The following GPAA1 variants were observed in gnomAD, a reference collection of about 807,000 sequenced individuals.
GPAA1 encodes glycosylphosphatidylinositol anchor attachment 1.
Under a neutral mutation model 64.0 loss-of-function variants are expected in GPAA1, and 54 were observed. That is an observed-to-expected ratio of 0.84 (90% CI 0.68 to 1.06). GPAA1 has a LOEUF of 1.06. Among genes scored for constraint, GPAA1 ranks in the 50% least tolerant of loss-of-function variants. The pLI is 0.00. For missense variants in GPAA1, 780 were observed against 822.3 expected (o/e 0.95, Z 0.63); for synonymous variants, 393 against 377.3 (o/e 1.04, Z -0.48).
At position 144,083,371 on chromosome 8, in the gene GPAA1, C is replaced by T. The variant is rs781969378; in HGVS notation, c.255-18C>T. The T allele has an allele frequency of 1.9e-6, 3 of 1,611,958 alleles. No homozygotes were observed. Among genetic ancestry groups the T allele is most frequent in the Admixed American group, 3.3e-5 (2 of 60,026 alleles). ...AAGGCCGGGGAGCTCTGCTCAGAGG[C>T]TCCCTTCGTGTCTGCAGGGCTCTGC... On this transcript the variant is annotated intron_variant, in intron 2 of 11. Coordinates refer to ENST00000355091, the MANE Select transcript of GPAA1 (RefSeq NM_003801.4).
In GPAA1 at chr8:144,084,803, C is replaced by T. The variant is rs782117002; in HGVS notation, c.1092C>T (p.Gly364=). 2.0e-5 allele frequency: 32 copies of T among 1,613,640 alleles called. No individual in the cohort carries two copies. Among genetic ancestry groups the T allele is most frequent in the Non-Finnish European group, 2.7e-5 (32 of 1,179,970 alleles). Residue 364 remains glycine, a synonymous_variant, in exon 8 of 12, where the codon GGC becomes GGT. Coordinates refer to ENST00000355091, the MANE Select transcript of GPAA1 (RefSeq NM_003801.4). The stretch of plus-strand genomic sequence containing the variant: ...CCTTCTTCCTCTACTTGCTCCCCGG[C>T]CTCTCCCGCTTCGTCTCCATCGGCC... The part of the protein sequence containing the change: ...HQSFFLYLLP[G]LSRFVSIGLY...
Position 144,083,708 on chromosome 8 carries a change from A to G in GPAA1, c.367-6A>G. On this transcript the variant is annotated splice_region_variant and splice_polypyrimidine_tract_variant and intron_variant, in intron 3 of 11. Coordinates refer to ENST00000355091, the MANE Select transcript of GPAA1 (RefSeq NM_003801.4). ...CTGAGGCTCCCCCCACCGATGCTGC[A>G]TACAGATGGTGTCGGGCACCAACGT... 6.2e-7 allele frequency: 1 copy of G among 1,601,018 alleles called. No homozygotes were observed. The highest frequency in any genetic ancestry group is 1.3e-5 in the African/African-American group (1 of 75,034).
Position 144,083,925 on chromosome 8 carries a change from C to A in GPAA1, c.515-14C>A. On this transcript the variant is annotated splice_polypyrimidine_tract_variant and intron_variant, in intron 4 of 11. Transcript: ENST00000355091. The stretch of plus-strand genomic sequence containing the variant: ...AGTGCCCCAGACCCTGCTGATCCTG[C>A]TTCTGGCCTCCAGGGCAGATTTATT... 6.2e-7 allele frequency: 1 copy of A among 1,613,490 alleles called. No homozygotes were observed. The highest frequency in any genetic ancestry group is 8.5e-7 in the Non-Finnish European group (1 of 1,179,480).
Position 144,084,797 on chromosome 8 carries a change from C to T in GPAA1, c.1086C>T (p.Leu362=). ...ACCAGTCCTTCTTCCTCTACTTGCT[C>T]CCCGGCCTCTCCCGCTTCGTCTCCA... ...RLHQSFFLYL[L]PGLSRFVSIG... is the part of the protein sequence containing the mutation. The change falls in exon 8 of 12, where the codon CTC becomes CTT. Residue 362 remains leucine, a synonymous_variant. Transcript: ENST00000355091. The T allele has an allele frequency of 1.9e-6, 3 of 1,613,734 alleles. No homozygotes were observed. The highest frequency in any genetic ancestry group is 2.5e-6 in the Non-Finnish European group (3 of 1,179,962).
At position 144,085,710 on chromosome 8, in the gene GPAA1, C is replaced by T. The variant is rs1414867713; in HGVS notation, c.1589C>T (p.Pro530Leu). The T allele has an allele frequency of 1.2e-6, 2 of 1,613,264 alleles. No individual in the cohort carries two copies. The highest frequency in any genetic ancestry group is 1.7e-6 in the Non-Finnish European group (2 of 1,179,998). ...TTCCTGCTGGCCACCACCATGGTGC[C>T]CACTGCTGCGCTTGCCAAGCCTCAT... ...LGFLLATTMV[P>L]TAALAKPHGP... Residue 530 changes from proline (P) to leucine (L), a missense_variant, in exon 11 of 12, where the codon CCC (proline) becomes CTC (leucine). Physicochemically the swap from Pro to Leu is moderately conservative, Grantham distance 98 (BLOSUM62 -3). Coordinates refer to ENST00000355091, the MANE Select transcript of GPAA1 (RefSeq NM_003801.4).
rs1554763901 is a variant in GPAA1, at chr8:144,083,803, T to A, written c.456T>A (p.Ser152=). 4 of 1,609,764 alleles carry A rather than the reference T, an allele frequency of 2.5e-6. No homozygotes were observed. The East Asian group carries it at 8.9e-5, about 36-fold the overall frequency. Residue 152 remains serine (S), a synonymous_variant, in exon 4 of 12, where the codon TCT becomes TCA. Transcript: ENST00000355091. The stretch of plus-strand genomic sequence containing the variant: ...TTGTGCTCACCGTGCCCTGTGGCTC[T>A]GACTCTACCAACAGCCAGGCTGTGG... ...ESLVLTVPCG[S]DSTNSQAVGL...
In GPAA1 at chr8:144,082,812, CAG is replaced by C; in HGVS notation, c.74+9_74+10del. On this transcript the variant is annotated intron_variant, in intron 1 of 11. Coordinates refer to ENST00000355091, the MANE Select transcript of GPAA1 (RefSeq NM_003801.4). ...CCTCAACGCGCCGTTGTGGTGAGGACAGGGCCCGGGGAGGCGGGGACCCGAGG... is the reference window on the plus strand; with the variant it reads ...CCTCAACGCGCCGTTGTGGTGAGGACGGCCCGGGGAGGCGGGGACCCGAGG... The C allele has an allele frequency of 7.0e-7, 1 of 1,435,956 alleles. No homozygotes were observed. Among genetic ancestry groups the C allele is most frequent in the East Asian group, 3.0e-5 (1 of 33,340 alleles). The allele number at this position is 1,435,956 out of a possible 1,614,324, so 89.0% of individuals were successfully genotyped here. A position where few individuals can be genotyped will look rare whatever the true frequency, so the allele number is the denominator to read the frequency against.
Position 144,085,429 on chromosome 8 carries a change from ACTGCTGGCGATT to A in GPAA1, c.1402_1413del (p.Leu468_Ile471del), listed in dbSNP as rs782625133. On this transcript the variant is annotated inframe_deletion, in exon 10 of 12. Transcript: ENST00000355091. ...CAGAGGCTGAGGCTGTGGTGCTGAC[ACTGCTGGCGATT>A]TATGCAGCTGGCCTGGCCCTGCCCC... 3 of 1,604,488 alleles carry A rather than the reference ACTGCTGGCGATT, an allele frequency of 1.9e-6. No homozygotes were observed. The highest frequency in any genetic ancestry group is 2.5e-6 in the Non-Finnish European group (3 of 1,179,916).
Position 144,084,038 on chromosome 8 carries a change from C to G in GPAA1, c.614C>G (p.Thr205Ser). ...WLEAYHDVNVTGMQSSPLQGR... is the reference protein window; with the variant it reads ...WLEAYHDVNVSGMQSSPLQGR... ...GAAGCCTACCACGATGTCAATGTCACTGGTAGGTTCTCTTGTCCTGCCTGC... is the reference window on the plus strand; with the variant it reads ...GAAGCCTACCACGATGTCAATGTCAGTGGTAGGTTCTCTTGTCCTGCCTGC... Residue 205 changes from threonine to serine, a missense_variant and splice_region_variant, in exon 5 of 12, where the codon ACT becomes AGT. By Grantham distance (58) the Thr-to-Ser change is moderately conservative. Coordinates refer to ENST00000355091, the MANE Select transcript of GPAA1 (RefSeq NM_003801.4). The G allele has an allele frequency of 1.2e-6, 2 of 1,611,800 alleles. No individual in the cohort carries two copies. The highest frequency in any genetic ancestry group is 1.7e-6 in the Non-Finnish European group (2 of 1,177,912).
rs1293059969 is a variant in GPAA1 at position 144,083,482 on chromosome 8, T to A, written c.348T>A (p.Asp116Glu). The A allele has an allele frequency of 1.9e-6, 3 of 1,612,552 alleles. No homozygotes were observed. Among genetic ancestry groups the A allele is most frequent in the Non-Finnish European group, 1.7e-6 (2 of 1,178,874 alleles). ...QSFSRKLPFPDETHERYMVSG... is the reference protein window; with the variant it reads ...QSFSRKLPFPEETHERYMVSG... ...TCTCCCGGAAACTGCCCTTCCCAGA[T>A]GAGACCCACGAGCGCTATGTACTGG... is the stretch of plus-strand genomic sequence containing the variant. The change falls in exon 3 of 12, where the codon GAT becomes GAA. Residue 116 changes from aspartate to glutamate, a missense_variant. Coordinates refer to ENST00000355091, the MANE Select transcript of GPAA1 (RefSeq NM_003801.4).
Position 144,084,625 on chromosome 8 carries a change from TC to T in GPAA1, c.1010+22del, listed in dbSNP as rs782735321. ...CAGTGGGCAAGTAAGTAGTCTCTGG[TC>T]CCCCCTTTCCATGCCCAGGATGGGG... On this transcript the variant is annotated intron_variant, in intron 7 of 11. Coordinates refer to ENST00000355091, the MANE Select transcript of GPAA1 (RefSeq NM_003801.4). 1.9e-6 allele frequency: 3 copies of T among 1,606,948 alleles called. No individual in the cohort carries two copies. In the East Asian group the frequency reaches 6.7e-5, roughly 36 times the overall value.
At chr8:144,083,590 G>T (rs782654301) in intron 3 of GPAA1, 90 bp downstream of exon 3, 10 of 1,423,696 alleles carry the variant, frequency 7.0e-6, no homozygotes, top group South Asian at 2.4e-5. Context: ...GTGTCATGGG[G>T]CCAGGAAGCT....
Position 144,084,627 on chromosome 8 carries a change from C to G in GPAA1, c.1010+18C>G. On this transcript the variant is annotated intron_variant, in intron 7 of 11. Transcript: ENST00000355091. Reference sequence around the variant, plus strand: ...GTGGGCAAGTAAGTAGTCTCTGGTCCCCCCTTTCCATGCCCAGGATGGGGT... The same window carrying G: ...GTGGGCAAGTAAGTAGTCTCTGGTCGCCCCTTTCCATGCCCAGGATGGGGT... 1 of 1,607,224 alleles carries G rather than the reference C, an allele frequency of 6.2e-7. No individual in the cohort carries two copies. Among genetic ancestry groups the G allele is most frequent in the Middle Eastern group, 1.7e-4 (1 of 6,048 alleles).
rs782170061 is a variant in GPAA1, at chr8:144,084,521, C to G, written c.922C>G (p.Leu308Val). ...ASGRPHGSHG[L>V]FLRYRVEALT... ...CGGCCGCCCCCACGGCTCCCATGGC[C>G]TCTTCCTGCGCTACCGTGTGGAGGC... Residue 308 changes from leucine to valine, a missense_variant, in exon 7 of 12, where the codon CTC becomes GTC. Physicochemically the swap from Leu to Val is conservative, Grantham distance 32. Transcript: ENST00000355091. The G allele has an allele frequency of 1.2e-6, 2 of 1,613,654 alleles. No individual in the cohort carries two copies. The highest frequency in any genetic ancestry group is 1.7e-6 in the Non-Finnish European group (2 of 1,180,010).
chr8:144,082,835 C>T (rs932027967), intron 1 of GPAA1, 31 bp downstream of exon 1: 1 of 1,368,702 alleles, frequency 7.3e-7, no homozygotes, highest in South Asian at 1.7e-5. Context: ...GGCGGGGACC[C>T]GAGGGCCCTG....
At position 144,082,656 on chromosome 8, in the gene GPAA1, C is replaced by T. The variant is rs1264622980; in HGVS notation, c.-75C>T. ...GGCGAGCGCGGGTCCCCGGGTCTGA[C>T]AGGAGCAGCCTGTGGGCACCGCGGC... On this transcript the variant is annotated 5_prime_UTR_variant, in exon 1 of 12. Coordinates refer to ENST00000355091, the MANE Select transcript of GPAA1 (RefSeq NM_003801.4). 12 of 1,073,282 alleles carry T rather than the reference C, an allele frequency of 1.1e-5. No homozygotes were observed. The African/African-American group carries it at 1.9e-4, about 17-fold the overall frequency. The allele number at this position is 1,073,282 out of a possible 1,614,324, so 66.5% of individuals were successfully genotyped here. A position where few individuals can be genotyped will look rare whatever the true frequency, so the allele number is the denominator to read the frequency against.
Position 144,084,883 on chromosome 8 carries a change from C to T in GPAA1, c.1164+8C>T. 5 of 1,613,272 alleles carry T rather than the reference C, an allele frequency of 3.1e-6. No homozygotes were observed. The highest frequency in any genetic ancestry group is 1.1e-5 in the South Asian group (1 of 91,070). On this transcript the variant is annotated splice_region_variant and intron_variant, in intron 8 of 11. Transcript: ENST00000355091. ...CTGGTCCTTGGTCTCAAGATATCCT[C>T]TGCCCCTTGCCATCTACCTGTGACC...
rs1554763827 is a variant in GPAA1 at position 144,083,414 on chromosome 8, C to T, written c.280C>T (p.Arg94Trp). The T allele has an allele frequency of 2.5e-6, 4 of 1,613,660 alleles. No homozygotes were observed. Among genetic ancestry groups the T allele is most frequent in the Middle Eastern group, 3.3e-4 (2 of 6,062 alleles). The change falls in exon 3 of 12, where the codon CGG (arginine) becomes TGG (tryptophan). Residue 94 changes from arginine to tryptophan, a missense_variant. Transcript: ENST00000355091. The stretch of plus-strand genomic sequence containing the variant: ...GGCTCTGCCAGTGGCCTGGCTTGAA[C>T]GGACGATGCGGTCAGTAGGGCTGGA... Reference protein sequence around the residue: ...SGALPVAWLERTMRSVGLEVY... With the variant: ...SGALPVAWLEWTMRSVGLEVY...
Position 144,085,096 on chromosome 8 carries a change from CG to C in GPAA1, c.1223del (p.Gly408ValfsTer25). The C allele has an allele frequency of 1.2e-6, 2 of 1,608,348 alleles. No homozygotes were observed. Among genetic ancestry groups the C allele is most frequent in the Non-Finnish European group, 1.7e-6 (2 of 1,176,870 alleles). The stretch of plus-strand genomic sequence containing the variant: ...AGGCTGGAATGGGCCTTGAGGAGCC[CG>C]GGGGTGCCCCTGGCCCCAGTGTACC... ...HEAGMGLEEP[G>X]GAPGPSVPLP... On this transcript the variant is annotated frameshift_variant, in exon 9 of 12. Transcript: ENST00000355091. LOFTEE classifies it high-confidence loss of function.
Sources: allele counts gnomAD v4.1 joint callset, GRCh38; gene constraint gnomAD v4.1.1; transcripts MANE v1.5; gene names NCBI Gene and HGNC (gene_info 2026-07-23, HGNC 2026-07-21).